ANKFN1: variants seen among roughly 807,000 people sequenced by gnomAD.
ANKFN1 encodes ankyrin repeat and fibronectin type III domain containing 1.
ANKFN1 carries 74 observed loss-of-function variants against 108.7 expected under a neutral mutation model. That is an observed-to-expected ratio of 0.68 (90% CI 0.56 to 0.83). ANKFN1 has a LOEUF of 0.83. ANKFN1 is among the 40% of genes least tolerant of loss of function. The probability of loss-of-function intolerance (pLI) is 0.00; values close to 1 mark genes in which losing one functional copy is unlikely to be tolerated. For synonymous variants in ANKFN1, 547 were observed against 516.2 expected (o/e 1.06, Z -0.81); for missense variants, 1,505 against 1,382.3 (o/e 1.09, Z -1.41).
intron 8 of ANKFN1, among the ~76,000 whole-genome samples, chr17:56,413,962 G>A (rs1598561890): frequency 6.6e-6 from 1 of 152,192 alleles, no homozygotes; most frequent in Admixed American, 6.5e-5. Flanking sequence ...ACAGGCATAA[G>A]CCACTGCATC....
intron 15 of ANKFN1, among the ~76,000 whole-genome samples, chr17:56,466,818 A>C (rs970445288): frequency 6.6e-6 from 1 of 152,206 alleles, no homozygotes; most frequent in Admixed American, 6.5e-5. Context: ...CCAGTAAGAA[A>C]CATTGAGGCC....
At chr17:56,475,957 T>G (rs1230102152) in intron 15 of ANKFN1, among the ~76,000 whole-genome samples, 1 of 152,188 alleles carries the variant, frequency 6.6e-6, no homozygotes, top group Non-Finnish European at 1.5e-5. Context: ...GAAGTATGCC[T>G]GAGAGGCCTC....
At chr17:56,407,049 G>A (rs567465225) in intron 8 of ANKFN1, among the ~76,000 whole-genome samples, 1 of 152,274 alleles carries the variant, frequency 6.6e-6, no homozygotes, top group South Asian at 2.1e-4. Flanking sequence ...AGGAAATGTG[G>A]ATAATTCTGT....
intron 6 of ANKFN1, among the ~76,000 whole-genome samples, chr17:56,371,089 T>C (rs181439684): frequency 6.6e-6 from 1 of 152,230 alleles, no homozygotes; most frequent in East Asian, 1.9e-4. Flanking sequence ...TGAAAGAGTT[T>C]TTTAGCTTTA....
chr17:56,308,096 G>T (rs1363273020), intron 3 of ANKFN1, among the ~76,000 whole-genome samples: 1 of 152,156 alleles, frequency 6.6e-6, no homozygotes, highest in African/African-American at 2.4e-5. Flanking sequence ...GTGGGATCGG[G>T]GGAGTGGGGA....
chr17:56,275,595 G>A (rs1217654046), intron 3 of ANKFN1, among the ~76,000 whole-genome samples: 1 of 152,178 alleles, frequency 6.6e-6, no homozygotes. Flanking sequence ...CAAATACAGT[G>A]TTTAAAACGT....
chr17:56,286,772 AC>A (rs1468429344), intron 3 of ANKFN1, among the ~76,000 whole-genome samples: 3 of 152,050 alleles, frequency 2.0e-5, no homozygotes, highest in Admixed American at 6.5e-5. Context: ...TTCGACTACT[AC>A]CTTTACACTC....
At chr17:56,469,221 C>T (rs1369201371) in intron 15 of ANKFN1, among the ~76,000 whole-genome samples, 1 of 151,822 alleles carries the variant, frequency 6.6e-6, no homozygotes, top group African/African-American at 2.4e-5. Context: ...CATTCCCACC[C>T]ACCCCCACTC....
At chr17:56,284,896 A>C (rs1282532916) in intron 3 of ANKFN1, among the ~76,000 whole-genome samples, 5 of 152,176 alleles carry the variant, frequency 3.3e-5, no homozygotes, top group African/African-American at 1.2e-4. Flanking sequence ...AAGAGCAGGA[A>C]AATTCTCCCC....
chr17:56,071,657 T>A (rs1905122697), intron 4 of ANKFN1, among the ~76,000 whole-genome samples: 1 of 152,172 alleles, frequency 6.6e-6, no homozygotes, highest in Non-Finnish European at 1.5e-5. Context: ...TAAAAGGATA[T>A]CTATTACAAC....
intron 3 of ANKFN1, among the ~76,000 whole-genome samples, chr17:56,300,273 C>T (rs1347085621): frequency 6.6e-6 from 1 of 152,214 alleles, no homozygotes; most frequent in Non-Finnish European, 1.5e-5. Flanking sequence ...AGGTTCCAAT[C>T]ACACAGGACT....
At chr17:56,400,627 A>T (rs2047732669) in intron 8 of ANKFN1, among the ~76,000 whole-genome samples, 1 of 152,024 alleles carries the variant, frequency 6.6e-6, no homozygotes, top group African/African-American at 2.4e-5. Flanking sequence ...TTTTTATTGC[A>T]TTTGCTTTTG....
chr17:56,098,991 C>T lies in ANKFN1; in HGVS notation c.288+52666C>T, dbSNP rs561408084. Among the ~76,000 whole-genome samples the T allele has an allele frequency of 1.2e-4, 18 of 152,164 alleles. No homozygotes were observed. In the East Asian group the frequency reaches 2.3e-3, roughly 20 times the overall value. On this transcript the variant is annotated intron_variant, in intron 4 of 12. Transcript: ENST00000635860. ...AAAAGTGAGCTGCATCTTTCCAGCCCGTCCACACCTGCCAAGTTGTTCTTT... is the reference window on the plus strand; with the variant it reads ...AAAAGTGAGCTGCATCTTTCCAGCCTGTCCACACCTGCCAAGTTGTTCTTT...
chr17:56,170,843 C>CACACAT (rs1555604591), intron 1 of ANKFN1, among the ~76,000 whole-genome samples: 1 of 133,888 alleles, frequency 7.5e-6, no homozygotes, highest in African/African-American at 2.7e-5. Context: ...CATATACACA[C>CACACAT]ATATATATAT....
chr17:56,461,693 A>G (rs2049908191), intron 14 of ANKFN1, among the ~76,000 whole-genome samples: 2 of 152,148 alleles, frequency 1.3e-5, no homozygotes, highest in Non-Finnish European at 2.9e-5. Context: ...TTATCTGTTT[A>G]GTGCCCCACT....
intron 3 of ANKFN1, among the ~76,000 whole-genome samples, chr17:56,244,685 A>G (rs761619275): frequency 6.6e-6 from 1 of 152,148 alleles, no homozygotes; most frequent in Non-Finnish European, 1.5e-5. Flanking sequence ...GGTTCCAGAC[A>G]ACCTCAGCAG....
intron 6 of ANKFN1, among the ~76,000 whole-genome samples, chr17:56,369,321 A>G (rs1056160069): frequency 6.6e-6 from 1 of 152,238 alleles, no homozygotes; most frequent in Admixed American, 6.5e-5. Context: ...TAAGAAGCAC[A>G]GCATCAATGA....
At chr17:56,255,694 C>T (rs2043341157) in intron 3 of ANKFN1, among the ~76,000 whole-genome samples, 1 of 152,202 alleles carries the variant, frequency 6.6e-6, no homozygotes, top group African/African-American at 2.4e-5. Context: ...GTCAACTTTT[C>T]ACTGGGCTAT....
chr17:56,486,665 G>A (rs1277360987), intron 18 of ANKFN1, among the ~76,000 whole-genome samples: 1 of 152,132 alleles, frequency 6.6e-6, no homozygotes, highest in Non-Finnish European at 1.5e-5. Context: ...TCTATTCATA[G>A]GTAGTTACAT....
Sources: allele counts gnomAD v4.1 joint callset (sites outside exome capture counted in the v4.1 genomes callset), GRCh38; gene constraint gnomAD v4.1.1; transcripts MANE v1.5; gene names NCBI Gene and HGNC (gene_info 2026-07-23, HGNC 2026-07-21).